Variants in PAX7 observed in about 807,000 individuals in gnomAD.
PAX7 encodes paired box protein Pax-7.
A neutral mutation model predicts 50.7 loss-of-function variants in PAX7; 18 were observed. The ratio of observed to expected loss-of-function variants is 0.36; its 90% confidence interval spans 0.25 to 0.53. PAX7 has a LOEUF of 0.53. Among genes scored for constraint, PAX7 ranks in the 20% least tolerant of loss-of-function variants. The pLI is 0.93. For missense variants in PAX7, 644 were observed against 702.9 expected (o/e 0.92, Z 0.95); for synonymous variants, 310 against 290.4 (o/e 1.07, Z -0.69).
intron 4 of PAX7, among the ~76,000 whole-genome samples, chr1:18,667,172 G>C (rs2088680700): frequency 6.6e-6 from 1 of 152,156 alleles, no homozygotes; most frequent in South Asian, 2.1e-4. Context: ...GACCCTAGCT[G>C]TGTGTGCTGT....
Position 18,700,705 on chromosome 1 carries a change from A to G in PAX7, c.839A>G (p.Gln280Arg). 6.2e-7 allele frequency: 1 copy of G among 1,601,566 alleles called. No individual in the cohort carries two copies. Among genetic ancestry groups the G allele is most frequent in the Non-Finnish European group, 8.5e-7 (1 of 1,174,832 alleles). ...ARWRKQAGAN[Q>R]LAAFNHLLPG... ...TGGCGTAAGCAGGCAGGAGCCAACC[A>G]GCTGGCGGCGTTCAACCACCTTCTG... The change falls in exon 6 of 9, where the codon CAG becomes CGG. Residue 280 changes from glutamine to arginine, a missense_variant. Physicochemically the swap from Gln to Arg is conservative, Grantham distance 43. Coordinates refer to ENST00000420770, the MANE Select transcript of PAX7 (RefSeq NM_001135254.2). The surrounding 1 kb of genome is among the most constrained non-coding windows in gnomAD (Gnocchi z 4.8).
intron 4 of PAX7, among the ~76,000 whole-genome samples, chr1:18,688,308 T>G (rs1237262041): frequency 6.6e-6 from 1 of 152,194 alleles, no homozygotes; most frequent in Non-Finnish European, 1.5e-5. Flanking sequence ...CACGGGAAGT[T>G]GTGAGCGTGG....
At position 18,632,052 on chromosome 1, in the gene PAX7, G is replaced by T. The variant is rs780012271; in HGVS notation, c.85+364G>T. On this transcript the variant is annotated intron_variant, in intron 1 of 8. Transcript: ENST00000420770. This position sits in a 1 kb window ranked among gnomAD's most constrained non-coding sequence, Gnocchi z 6.3. ...GACAGTTTCTCGGCTCTCCTGGCTC[G>T]CTGGCTGCCAGCTTTCTACTCTTGT... 7.2e-5 allele frequency among the ~76,000 whole-genome samples: 11 copies of T among 151,966 alleles called. No homozygotes were observed. The highest frequency in any genetic ancestry group is 1.3e-4 in the Non-Finnish European group (9 of 68,004).
chr1:18,657,609 C>A (rs967598962), intron 4 of PAX7, among the ~76,000 whole-genome samples: 1 of 152,146 alleles, frequency 6.6e-6, no homozygotes, highest in Non-Finnish European at 1.5e-5. Context: ...CCAGCAGGAC[C>A]CAGCTCCGCT....
rs140619992 is a variant in PAX7, at chr1:18,689,393, G to A, written c.587-2361G>A. 7.1e-3 allele frequency among the ~76,000 whole-genome samples: 1,078 copies of A among 152,276 alleles called. 2 individuals are homozygous for A. Among genetic ancestry groups the A allele is most frequent in the South Asian group, 0.013 (64 of 4,824 alleles). On this transcript the variant is annotated intron_variant, in intron 4 of 8. Coordinates refer to ENST00000420770, the MANE Select transcript of PAX7 (RefSeq NM_001135254.2). ...TCTCCCCACAGTGACTGGGGGGCTGGGTAACTGGAAGCCCTGGCAGGAAAG... is the reference window on the plus strand; with the variant it reads ...TCTCCCCACAGTGACTGGGGGGCTGAGTAACTGGAAGCCCTGGCAGGAAAG...
rs184951841 is a variant in PAX7 at position 18,657,507 on chromosome 1, G to A, written c.586+21136G>A. The stretch of plus-strand genomic sequence containing the variant: ...AGAGGAAGGGTTCCTGGCTGCTCTT[G>A]CTTTCTGTCACTCTTTCCTCCTAAG... On this transcript the variant is annotated intron_variant, in intron 4 of 8. Transcript: ENST00000420770. Among the ~76,000 whole-genome samples the A allele has an allele frequency of 1.5e-3, 230 of 152,210 alleles. 1 individual carries two copies. The highest frequency in any genetic ancestry group is 0.01 in the South Asian group (49 of 4,822).
Position 18,736,220 on chromosome 1 carries a change from T to G in PAX7, c.1402+342T>G, listed in dbSNP as rs570495478. 70 of 536,582 alleles carry G rather than the reference T, an allele frequency of 1.3e-4. No individual in the cohort carries two copies. The South Asian group carries it at 1.4e-3, about 10-fold the overall frequency. The allele number at this position is 536,582 out of a possible 1,614,324, so 33.2% of individuals were successfully genotyped here. ...TGGCTCATGCCTGTAATCCCAGCAC[T>G]TTGGAAGGCTGAGGCAAACGAATCA... On this transcript the variant is annotated intron_variant, in intron 8 of 8. Transcript: ENST00000420770.
chr1:18,722,558 G>A (rs577401707), intron 7 of PAX7, among the ~76,000 whole-genome samples: 3 of 152,160 alleles, frequency 2.0e-5, no homozygotes, highest in African/African-American at 4.8e-5. Context: ...TGTGGGACGC[G>A]GGGGGCTGCT....
rs552792029 is a variant in PAX7, at chr1:18,745,680, T to A, written c.*751T>A. On this transcript the variant is annotated 3_prime_UTR_variant, in exon 9 of 9. Coordinates refer to ENST00000420770, the MANE Select transcript of PAX7 (RefSeq NM_001135254.2). ...TTGTCAGCCGTGGGCCCGCCCAGGA[T>A]ACAAGGACCCAACTCAGGCTTCTGG... The A allele has an allele frequency of 4.3e-6, 1 of 230,680 alleles. No homozygotes were observed. The highest frequency in any genetic ancestry group is 2.2e-5 in the African/African-American group (1 of 45,318). The allele number at this position is 230,680 out of a possible 1,614,324, so 14.3% of individuals were successfully genotyped here. A position where few individuals can be genotyped will look rare whatever the true frequency, so the allele number is the denominator to read the frequency against.
chr1:18,686,541 C>T (rs1397851880), intron 4 of PAX7, among the ~76,000 whole-genome samples: 3 of 152,180 alleles, frequency 2.0e-5, no homozygotes. Context: ...CAGGCTTCAC[C>T]AAGGTACCTG....
intron 7 of PAX7, among the ~76,000 whole-genome samples, chr1:18,710,311 A>G (rs988547292): frequency 1.3e-5 from 2 of 152,198 alleles, no homozygotes; most frequent in Non-Finnish European, 2.9e-5. Flanking sequence ...CGACCAAGAC[A>G]GTCCTCTTGC....
At chr1:18,708,448 G>C (rs1407255875) in intron 7 of PAX7, among the ~76,000 whole-genome samples, 2 of 152,082 alleles carry the variant, frequency 1.3e-5, no homozygotes, top group Non-Finnish European at 1.5e-5. Context: ...CCAGCTACTA[G>C]GGTGGCTGAG....
At chr1:18,663,055 C>T (rs1261811546) in intron 4 of PAX7, among the ~76,000 whole-genome samples, 1 of 152,230 alleles carries the variant, frequency 6.6e-6, no homozygotes, top group Non-Finnish European at 1.5e-5. Flanking sequence ...AGAAACGGCA[C>T]ATCTATACAT....
intron 4 of PAX7, among the ~76,000 whole-genome samples, chr1:18,641,597 C>T (rs963912473): frequency 6.6e-6 from 1 of 152,170 alleles, no homozygotes; most frequent in Admixed American, 6.5e-5. Context: ...GGCGTTTGTA[C>T]CTAAAAGACT....
chr1:18,708,604 C>A (rs1385148140), intron 7 of PAX7, among the ~76,000 whole-genome samples: 1 of 151,908 alleles, frequency 6.6e-6, no homozygotes, highest in Non-Finnish European at 1.5e-5. Flanking sequence ...ATGAAAGGAA[C>A]CTTTTGTAAC....
At chr1:18,648,180 C>CTCCT (rs1436330429) in intron 4 of PAX7, among the ~76,000 whole-genome samples, 1 of 151,988 alleles carries the variant, frequency 6.6e-6, no homozygotes, top group African/African-American at 2.4e-5. Flanking sequence ...GTGACACAGG[C>CTCCT]TCCTACCTGA....
chr1:18,712,701 A>G (rs1358847917), intron 7 of PAX7, among the ~76,000 whole-genome samples: 1 of 152,164 alleles, frequency 6.6e-6, no homozygotes, highest in East Asian at 1.9e-4. Flanking sequence ...CCTTTCTTAG[A>G]GAACTGGGTA....
chr1:18,730,603 C>T (rs901273975), intron 7 of PAX7, among the ~76,000 whole-genome samples: 6 of 151,864 alleles, frequency 4.0e-5, no homozygotes, highest in African/African-American at 9.7e-5. Context: ...CCCAAAGCCA[C>T]GTTCAGTTAT....
At chr1:18,702,945 T>C (rs1557540133) in intron 6 of PAX7, 149 bp from the exon 7 acceptor site, 16 of 717,982 alleles carry the variant, frequency 2.2e-5, no homozygotes, top group Non-Finnish European at 3.3e-5. Flanking sequence ...AGCCAACTTG[T>C]CTCATCCCAG....
Sources: allele counts gnomAD v4.1 joint callset (sites outside exome capture counted in the v4.1 genomes callset), GRCh38; gene constraint gnomAD v4.1.1; non-coding constraint Gnocchi (gnomAD v3.1); transcripts MANE v1.5; gene names NCBI Gene and HGNC (gene_info 2026-07-23, HGNC 2026-07-21).